The following CSMD3 variants were observed in gnomAD, a reference collection of about 807,000 sequenced individuals.
CSMD3 encodes CUB and Sushi multiple domains 3.
CSMD3 carries 177 observed loss-of-function variants against 435.2 expected under a neutral mutation model. The observed-to-expected ratio is 0.41, with a 90% CI of 0.36 to 0.46. CSMD3 has a LOEUF of 0.46. Ranked by LOEUF, CSMD3 falls within the 20% of genes least tolerant of loss-of-function variation. The pLI is 0.34. For missense variants in CSMD3, 4,265 were observed against 4,504.6 expected, an observed-to-expected ratio of 0.95 and a Z score of 1.52; for synonymous variants, 1,656 against 1,520.5, an observed-to-expected ratio of 1.09 and a Z score of -2.07.
intron 45 of CSMD3, among the ~76,000 whole-genome samples, chr8:112,321,213 C>T (rs1193057449): frequency 6.6e-6 from 1 of 152,012 alleles, no homozygotes; most frequent in Non-Finnish European, 1.5e-5. Flanking sequence ...TCTTTATGTA[C>T]TCAACGTGCT....
intron 9 of CSMD3, among the ~76,000 whole-genome samples, chr8:112,924,891 A>G (rs1383369745): frequency 6.6e-6 from 1 of 152,134 alleles, no homozygotes; most frequent in Non-Finnish European, 1.5e-5. Flanking sequence ...TTTATAAACT[A>G]CACAGTGTCT....
At chr8:112,411,707 G>C (rs755896145) in intron 32 of CSMD3, among the ~76,000 whole-genome samples, 5 of 152,014 alleles carry the variant, frequency 3.3e-5, no homozygotes, top group Non-Finnish European at 5.9e-5. Context: ...TAAGAACTAA[G>C]TGATGACTCT....
At chr8:113,100,436 A>G (rs555958008) in intron 4 of CSMD3, among the ~76,000 whole-genome samples, 15 of 152,186 alleles carry the variant, frequency 9.9e-5, no homozygotes, top group Non-Finnish European at 1.9e-4. Context: ...CTCAAGTACC[A>G]AGACCAACAT....
chr8:112,571,286 C>T (rs1563717244), intron 24 of CSMD3, among the ~76,000 whole-genome samples: 2 of 151,958 alleles, frequency 1.3e-5, no homozygotes, highest in Non-Finnish European at 2.9e-5. Context: ...GGATTACAGG[C>T]GTGAGCCACC....
intron 3 of CSMD3, among the ~76,000 whole-genome samples, chr8:113,217,612 G>GA (rs1367870247): frequency 6.6e-6 from 1 of 151,478 alleles, no homozygotes; most frequent in Non-Finnish European, 1.5e-5. Context: ...AAAATTGTAG[G>GA]AAAAATATAA....
chr8:112,970,462 C>T (rs1027165424), intron 7 of CSMD3, among the ~76,000 whole-genome samples: 1 of 148,050 alleles, frequency 6.8e-6, no homozygotes, highest in African/African-American at 2.5e-5. Context: ...GTAAATTATT[C>T]TGATGAATTT....
intron 32 of CSMD3, among the ~76,000 whole-genome samples, chr8:112,411,009 T>C (rs199564537): frequency 1.0e-5 from 1 of 96,836 alleles, no homozygotes; most frequent in Non-Finnish European, 2.6e-5. Flanking sequence ...TTTCTTTCTA[T>C]TAGAAAACAT....
chr8:112,651,272 A>G (rs2075120136), intron 18 of CSMD3, among the ~76,000 whole-genome samples: 1 of 152,218 alleles, frequency 6.6e-6, no homozygotes, highest in Non-Finnish European at 1.5e-5. Flanking sequence ...ATTATATTAA[A>G]TCATATTTAT....
intron 4 of CSMD3, among the ~76,000 whole-genome samples, chr8:113,170,943 G>A (rs2092256930): frequency 6.6e-6 from 1 of 151,688 alleles, no homozygotes; most frequent in South Asian, 2.1e-4. Context: ...GGACCTGGGA[G>A]TGAAGAGTAG....
chr8:113,410,011 G>A (rs151132313), intron 1 of CSMD3, among the ~76,000 whole-genome samples: 22 of 151,894 alleles, frequency 1.4e-4, no homozygotes, highest in African/African-American at 3.6e-4. Context: ...TTCCATAGAC[G>A]AATACCTTTT....
chr8:113,287,012 ACT>A (rs2093651710), intron 2 of CSMD3, among the ~76,000 whole-genome samples: 1 of 151,896 alleles, frequency 6.6e-6, no homozygotes, highest in Non-Finnish European at 1.5e-5. Context: ...ACTATTACAA[ACT>A]CTCAGGATTT....
intron 22 of CSMD3, among the ~76,000 whole-genome samples, chr8:112,596,055 A>T (rs1188602085): frequency 0.013 from 1,903 of 151,106 alleles, 35 homozygotes; most frequent in African/African-American, 0.044. Context: ...GCTCCAATTA[A>T]AAGACACAGA....
intron 59 of CSMD3, among the ~76,000 whole-genome samples, chr8:112,275,172 A>T (rs1341177393): frequency 1.3e-5 from 2 of 151,932 alleles, no homozygotes; most frequent in Non-Finnish European, 2.9e-5. Context: ...ACCACAATAA[A>T]AAAAAAAGCA....
intron 63 of CSMD3, among the ~76,000 whole-genome samples, chr8:112,253,805 C>G (rs950857445): frequency 6.6e-6 from 1 of 151,978 alleles, no homozygotes; most frequent in Non-Finnish European, 1.5e-5. Flanking sequence ...ACACTGACAG[C>G]AAGGTCATAT....
At chr8:112,872,644 C>A (rs2081168990) in intron 10 of CSMD3, among the ~76,000 whole-genome samples, 1 of 151,942 alleles carries the variant, frequency 6.6e-6, no homozygotes, top group Admixed American at 6.6e-5. Context: ...CCTCCCTTTG[C>A]TCCTTGTTTC....
At chr8:113,036,935 T>G (rs2131267927) in intron 5 of CSMD3, among the ~76,000 whole-genome samples, 1 of 152,216 alleles carries the variant, frequency 6.6e-6, no homozygotes, top group Non-Finnish European at 1.5e-5. Context: ...ATGCATATAT[T>G]TTGCAGGTTG....
chr8:113,375,445 A>G (rs1229008544), intron 1 of CSMD3, among the ~76,000 whole-genome samples: 1 of 152,022 alleles, frequency 6.6e-6, no homozygotes, highest in East Asian at 1.9e-4. Flanking sequence ...CACTGAAACG[A>G]GTAGGCAAAG....
At chr8:112,855,967 G>C (rs576874801) in intron 11 of CSMD3, among the ~76,000 whole-genome samples, 1 of 151,740 alleles carries the variant, frequency 6.6e-6, no homozygotes, top group African/African-American at 2.4e-5. Context: ...TTTGAAACTT[G>C]GAAAAACAAG....
At chr8:112,422,095 A>T (rs2130292066) in intron 32 of CSMD3, among the ~76,000 whole-genome samples, 1 of 152,290 alleles carries the variant, frequency 6.6e-6, no homozygotes, top group East Asian at 1.9e-4. Flanking sequence ...CATGGAGTGT[A>T]CTGGTGGACA....
Sources: allele counts gnomAD v4.1 joint callset (sites outside exome capture counted in the v4.1 genomes callset), GRCh38; gene constraint gnomAD v4.1.1; transcripts MANE v1.5; gene names NCBI Gene and HGNC (gene_info 2026-07-23, HGNC 2026-07-21).